Variants in PDE4D observed in about 807,000 individuals in gnomAD.
PDE4D encodes the protein 3',5'-cyclic-AMP phosphodiesterase 4D.
Under a neutral mutation model 87.4 loss-of-function variants are expected in PDE4D, and 24 were observed. The ratio of observed to expected loss-of-function variants is 0.27; its 90% confidence interval spans 0.20 to 0.39. The LOEUF (loss-of-function observed/expected upper bound fraction) is 0.39, where lower values mean the gene tolerates loss of function less well. Ranked by LOEUF, PDE4D falls within the 10% of genes least tolerant of loss-of-function variation. The pLI, the probability that PDE4D is intolerant of heterozygous loss-of-function variation, is 1.00. For synonymous variants in PDE4D, 384 were observed against 383.2 expected (o/e 1.00, Z -0.02); for missense variants, 714 against 1,041.0 (o/e 0.69, Z 4.32).
At chr5:59,560,052 T>C (rs1819698357) in intron 1 of PDE4D, among the ~76,000 whole-genome samples, 1 of 151,854 alleles carries the variant, frequency 6.6e-6, no homozygotes, top group Non-Finnish European at 1.5e-5. Context: ...GGCAGCCTTG[T>C]TTTGCAATGT....
intron 1 of PDE4D, among the ~76,000 whole-genome samples, chr5:59,846,571 A>G (rs1743889113): frequency 6.6e-6 from 1 of 152,040 alleles, no homozygotes; most frequent in African/African-American, 2.4e-5. Context: ...CGAGTAGACC[A>G]TTTAAGATAT....
rs186464739 is a variant in PDE4D, at chr5:59,673,803, A to T, written c.455+219365T>A. Among the ~76,000 whole-genome samples the T allele has an allele frequency of 2.6e-5, 4 of 152,362 alleles. No individual in the cohort carries two copies. The East Asian group carries it at 5.8e-4, about 22-fold the overall frequency. ...ATATGCACCATCCTGCATGGTCATT[A>T]TTAAACATATATGGGTTATAACAAT... On this transcript the variant is annotated intron_variant, in intron 1 of 14. Coordinates refer to ENST00000340635, the MANE Select transcript of PDE4D (RefSeq NM_001104631.2).
intron 1 of PDE4D, among the ~76,000 whole-genome samples, chr5:60,361,926 G>A (rs1323826259): frequency 6.6e-6 from 1 of 152,158 alleles, no homozygotes; most frequent in Non-Finnish European, 1.5e-5. Flanking sequence ...AAATAATAGT[G>A]AGCCAGGACC....
At chr5:59,913,823 A>G (rs940461974) in intron 3 of PDE4D, among the ~76,000 whole-genome samples, 6 of 152,190 alleles carry the variant, frequency 3.9e-5, no homozygotes, top group African/African-American at 1.4e-4. Flanking sequence ...TGCTAGAATC[A>G]AGAACAACAG....
intron 1 of PDE4D, among the ~76,000 whole-genome samples, chr5:60,186,128 G>A (rs911701830): frequency 1.3e-5 from 2 of 152,136 alleles, no homozygotes; most frequent in African/African-American, 4.8e-5. Context: ...AGCCCTCTGA[G>A]CAACTGCATC....
chr5:60,234,696 T>G (rs1746225640), intron 1 of PDE4D, among the ~76,000 whole-genome samples: 1 of 151,916 alleles, frequency 6.6e-6, no homozygotes, highest in South Asian at 2.1e-4. Flanking sequence ...TGGGAAATTT[T>G]AAAATTAGTA....
chr5:59,199,977 CATAT>C (rs146093848), intron 2 of PDE4D, among the ~76,000 whole-genome samples: 4,035 of 151,238 alleles, frequency 0.027, 170 homozygotes, highest in African/African-American at 0.09. Context: ...CACATACATA[CATAT>C]ATACACATGC....
Position 59,821,237 on chromosome 5 carries a change from GCAACAACAA to G in PDE4D, c.455+71922_455+71930del, listed in dbSNP as rs71606606. ...GACAGAGCAAGATTCTGTCTCAACA[GCAACAACAA>G]CAACAACAACAACAACAACAACAAC... On this transcript the variant is annotated intron_variant, in intron 1 of 14. Transcript: ENST00000340635. 7.7e-3 allele frequency among the ~76,000 whole-genome samples: 1,141 copies of G among 148,986 alleles called. 9 individuals carry two copies. The highest frequency in any genetic ancestry group is 0.013 in the African/African-American group (519 of 39,988).
intron 2 of PDE4D, 126 bp downstream of exon 2, chr5:59,215,651 A>G: frequency 4.2e-6 from 3 of 706,644 alleles, no homozygotes; most frequent in Non-Finnish European, 7.2e-6. Flanking sequence ...GTATAATTTT[A>G]TTCATATTCT....
At chr5:59,852,479 C>A (rs183242531) in intron 1 of PDE4D, among the ~76,000 whole-genome samples, 1 of 152,110 alleles carries the variant, frequency 6.6e-6, no homozygotes, top group Admixed American at 6.6e-5. Flanking sequence ...ATTGAAGTCT[C>A]CCCCCAACAG....
intron 3 of PDE4D, among the ~76,000 whole-genome samples, chr5:59,952,357 C>T (rs536797703): frequency 2.6e-5 from 4 of 152,242 alleles, no homozygotes; most frequent in African/African-American, 9.6e-5. Context: ...CCGTAAAATT[C>T]TCACCCCATC....
At chr5:60,208,004 C>T (rs776341216) in intron 1 of PDE4D, among the ~76,000 whole-genome samples, 7 of 152,152 alleles carry the variant, frequency 4.6e-5, no homozygotes, top group Non-Finnish European at 8.8e-5. Flanking sequence ...TTCATTTGTT[C>T]TTTCAGATAC....
intron 1 of PDE4D, among the ~76,000 whole-genome samples, chr5:60,316,150 T>C (rs1460814882): frequency 1.3e-5 from 2 of 152,248 alleles, no homozygotes; most frequent in Non-Finnish European, 2.9e-5. Flanking sequence ...GTTTGTATCC[T>C]CTTTTATTTC....
chr5:59,707,652 T>C (rs1753630651), intron 1 of PDE4D, among the ~76,000 whole-genome samples: 1 of 152,130 alleles, frequency 6.6e-6, no homozygotes, highest in Non-Finnish European at 1.5e-5. Context: ...CTTTTCCTAA[T>C]ACTTTCCCTC....
chr5:59,290,765 C>T (rs1767857013), intron 1 of PDE4D, among the ~76,000 whole-genome samples: 1 of 151,936 alleles, frequency 6.6e-6, no homozygotes, highest in Admixed American at 6.6e-5. Flanking sequence ...TAAAAATAGG[C>T]AAAACATCTG....
At chr5:59,321,859 C>T (rs531334988) in intron 1 of PDE4D, among the ~76,000 whole-genome samples, 1 of 152,226 alleles carries the variant, frequency 6.6e-6, no homozygotes, top group African/African-American at 2.4e-5. Flanking sequence ...AGAGTACACG[C>T]ATGCGCACTT....
chr5:60,435,109 T>A (rs569015903), intron 1 of PDE4D, among the ~76,000 whole-genome samples: 15 of 151,652 alleles, frequency 9.9e-5, no homozygotes, highest in Admixed American at 6.6e-4. Context: ...GATACAAAAG[T>A]AGTTCCTTTA....
chr5:59,092,685 C>A (rs1459840589), intron 5 of PDE4D, among the ~76,000 whole-genome samples: 4 of 152,124 alleles, frequency 2.6e-5, no homozygotes, highest in Non-Finnish European at 5.9e-5. Flanking sequence ...ATTTACTAAC[C>A]TAAACAAGTC....
rs543404146 is a variant in PDE4D at position 60,119,588 on chromosome 5, C to A, written c.42+65969G>T. On this transcript the variant is annotated intron_variant, in intron 2 of 16. Coordinates refer to the PDE4D transcript ENST00000502484. Reference sequence around the variant, plus strand: ...TGACCTTGGATAAGTTACTTAATCCCTTGGCTTCAGTTTCTTCATTTATTA... The same window carrying A: ...TGACCTTGGATAAGTTACTTAATCCATTGGCTTCAGTTTCTTCATTTATTA... 5.9e-5 allele frequency among the ~76,000 whole-genome samples: 9 copies of A among 152,212 alleles called. No homozygotes were observed. The South Asian group carries it at 1.9e-3, about 32-fold the overall frequency.
Sources: allele counts gnomAD v4.1 joint callset (sites outside exome capture counted in the v4.1 genomes callset), GRCh38; gene constraint gnomAD v4.1.1; transcripts MANE v1.5; gene names NCBI Gene and HGNC (gene_info 2026-07-23, HGNC 2026-07-21).